The following FAM120C variants were observed in gnomAD, a reference collection of about 807,000 sequenced individuals.
The protein encoded by FAM120C is constitutive coactivator of PPAR-gamma-like protein 2.
Under a neutral mutation model 71.2 loss-of-function variants are expected in FAM120C, and 14 were observed. That is an observed-to-expected ratio of 0.20 (90% CI 0.13 to 0.31). FAM120C has a LOEUF of 0.31. Ranked by LOEUF, FAM120C falls within the 10% of genes least tolerant of loss-of-function variation. The pLI, the probability that FAM120C is intolerant of heterozygous loss-of-function variation, is 1.00. For missense variants in FAM120C, 500 were observed against 879.0 expected (o/e 0.57, Z 5.45); for synonymous variants, 354 against 353.2 (o/e 1.00, Z -0.03).
chrX:54,104,695 C>T (rs1274756488), intron 10 of FAM120C, among the ~76,000 whole-genome samples: 1 of 109,942 alleles, frequency 9.1e-6, no homozygotes, highest in Non-Finnish European at 1.9e-5. Context: ...GTAATCCCAG[C>T]TACTTGGGAG....
intron 10 of FAM120C, among the ~76,000 whole-genome samples, chrX:54,093,766 C>A (rs2066835372): frequency 9.0e-6 from 1 of 111,702 alleles, no homozygotes; most frequent in South Asian, 3.7e-4. Flanking sequence ...GATGCTTCAT[C>A]ATGTGCGATT....
At chrX:54,132,962 C>A in intron 8 of FAM120C, 99 bp from the exon 9 acceptor site, 1 of 667,090 alleles carries the variant, frequency 1.5e-6, no homozygotes, top group Middle Eastern at 3.7e-4. Context: ...CCTCTGTGGC[C>A]TACTAAATTT....
intron 4 of FAM120C, chrX:54,147,679 C>T (rs1012557814): frequency 2.4e-4 from 27 of 114,845 alleles, no homozygotes; most frequent in African/African-American, 8.1e-4. Context: ...TGATTGGTCA[C>T]GCAATAAATG....
At chrX:54,160,391 G>A (rs1557134285) in intron 1 of FAM120C, among the ~76,000 whole-genome samples, 2 of 111,223 alleles carry the variant, frequency 1.8e-5, no homozygotes, top group Non-Finnish European at 3.8e-5. Flanking sequence ...CTAAGGCTAC[G>A]AGAGATTGGC....
intron 15 of FAM120C, among the ~76,000 whole-genome samples, chrX:54,075,616 G>A (rs1364701771): frequency 9.2e-6 from 1 of 108,842 alleles, no homozygotes; most frequent in Non-Finnish European, 1.9e-5. Flanking sequence ...GACCAACATG[G>A]TGAAACCCCG....
chrX:54,081,561 C>T (rs2066765249), intron 13 of FAM120C, 101 bp from the exon 14 acceptor site: 1 of 894,226 alleles, frequency 1.1e-6, no homozygotes. Flanking sequence ...TACTTGAAGT[C>T]AGGAGTTCCA....
rs782383735 is a variant in FAM120C at position 54,128,515 on chromosome X, C to T, written c.2062+4177G>A. ...TAATTGATCATTCTTGGGTGTTTCT[C>T]GCAGAGGGGGATTTGGCAGGGTCAT... On this transcript the variant is annotated intron_variant, in intron 9 of 15. Coordinates refer to ENST00000375180, the MANE Select transcript of FAM120C (RefSeq NM_017848.6). 5.9e-3 allele frequency among the ~76,000 whole-genome samples: 633 copies of T among 106,946 alleles called. 6 individuals are homozygous for T. Among genetic ancestry groups the T allele is most frequent in the South Asian group, 0.019 (47 of 2,414 alleles). 92.9% of individuals were successfully genotyped at this position (106,946 alleles called of 115,157 possible).
chrX:54,085,441 G>C (rs1460941266), intron 13 of FAM120C, among the ~76,000 whole-genome samples: 1 of 111,136 alleles, frequency 9.0e-6, no homozygotes, highest in African/African-American at 3.3e-5. Context: ...TACAAAATTA[G>C]CCAGGTGTGG....
At chrX:54,092,461 C>A (rs1205599987) in intron 10 of FAM120C, among the ~76,000 whole-genome samples, 1 of 110,407 alleles carries the variant, frequency 9.1e-6, no homozygotes, top group African/African-American at 3.3e-5. Context: ...AGGACAATCG[C>A]TTAAACCTGG....
chrX:54,108,595 A>T lies in FAM120C; in HGVS notation c.2312+7950T>A, dbSNP rs993629660. On this transcript the variant is annotated intron_variant, in intron 10 of 15. Coordinates refer to ENST00000375180, the MANE Select transcript of FAM120C (RefSeq NM_017848.6). The stretch of plus-strand genomic sequence containing the variant: ...GATGAGGACCCTAATGGGCAGTGAA[A>T]CAAAATAGAATCCATGAATGAACTT... 2.7e-5 allele frequency among the ~76,000 whole-genome samples: 3 copies of T among 111,578 alleles called. No individual in the cohort carries two copies. In the Admixed American group the frequency reaches 2.9e-4, roughly 11 times the overall value.
chrX:54,115,246 C>T (rs2066962095), intron 10 of FAM120C, among the ~76,000 whole-genome samples: 2 of 112,048 alleles, frequency 1.8e-5, no homozygotes, highest in South Asian at 7.4e-4. Context: ...CAAAGAACTT[C>T]TGTAATCAGC....
chrX:54,105,009 A>C (rs782243206), intron 10 of FAM120C, among the ~76,000 whole-genome samples: 95 of 111,279 alleles, frequency 8.5e-4, no homozygotes, highest in African/African-American at 3.0e-3. Context: ...TTCCTTCTGA[A>C]ACTATTCCAA....
At chrX:54,150,725 T>C (rs1475331780) in intron 4 of FAM120C, among the ~76,000 whole-genome samples, 17 of 111,995 alleles carry the variant, frequency 1.5e-4, no homozygotes, top group African/African-American at 5.5e-4. Flanking sequence ...TTCTAAATTT[T>C]CTAGAATGGG....
intron 1 of FAM120C, chrX:54,173,945 G>A (rs1252639534): frequency 9.5e-6 from 4 of 420,923 alleles, no homozygotes; most frequent in Non-Finnish European, 1.7e-5. Context: ...GCCAGCCAGG[G>A]CTGCAGTCAT....
At chrX:54,125,291 C>T (rs192819396) in intron 9 of FAM120C, among the ~76,000 whole-genome samples, 1 of 110,359 alleles carries the variant, frequency 9.1e-6, no homozygotes, top group African/African-American at 3.3e-5. Flanking sequence ...CATGTCAATA[C>T]CTCTGCCTAG....
intron 9 of FAM120C, among the ~76,000 whole-genome samples, chrX:54,118,699 C>CTTTTTTTTTCTTTTTTT (rs2066987949): frequency 3.2e-5 from 1 of 31,721 alleles, no homozygotes; most frequent in African/African-American, 1.4e-4. Flanking sequence ...TTCTTTTTTT[C>CTTTTTTTTTCTTTTTTT]TTTTTTTTTT....
rs1334821219 is a variant in FAM120C, at chrX:54,102,870, C to T, written c.2313-11444G>A. Among the ~76,000 whole-genome samples, 4 of 106,059 alleles carry T rather than the reference C, an allele frequency of 3.8e-5. No individual in the cohort carries two copies. In the East Asian group the frequency reaches 1.2e-3, roughly 32 times the overall value. The allele number at this position is 106,059 out of a possible 115,157, so 92.1% of individuals were successfully genotyped here. On this transcript the variant is annotated intron_variant, in intron 10 of 15. Transcript: ENST00000375180. The stretch of plus-strand genomic sequence containing the variant: ...GAGTAGCTGAGATTACAGGCGCGCA[C>T]CACCACACCCAGCTAATTTTTGTAT...
intron 10 of FAM120C, among the ~76,000 whole-genome samples, chrX:54,095,243 C>T (rs969368587): frequency 9.0e-6 from 1 of 111,022 alleles, no homozygotes; most frequent in Non-Finnish European, 1.9e-5. Context: ...CTCATACATA[C>T]GAAAATCTGC....
chrX:54,079,645 A>G (rs1408126967), intron 15 of FAM120C, among the ~76,000 whole-genome samples: 4 of 110,646 alleles, frequency 3.6e-5, no homozygotes, highest in Middle Eastern at 4.7e-3. Context: ...TAAAAATACA[A>G]AATTAGCCGG....
Sources: gnomAD v4.1 joint callset for allele counts (sites outside exome capture counted in the v4.1 genomes callset) on GRCh38, gnomAD v4.1.1 for gene constraint, MANE v1.5 for transcripts, NCBI Gene and HGNC (gene_info 2026-07-23, HGNC 2026-07-21) for gene names.